The following STPG2 variants were observed in gnomAD, a reference collection of about 807,000 sequenced individuals.
STPG2 encodes the protein sperm-tail PG-rich repeat-containing protein 2.
In STPG2, 56 loss-of-function variants were observed where a neutral mutation model predicts 54.2. The ratio of observed to expected loss-of-function variants is 1.03; its 90% confidence interval spans 0.83 to 1.29. STPG2 has a LOEUF of 1.29. Ranked by LOEUF, STPG2 falls within the 50% of genes most tolerant of loss-of-function variation. The pLI is 0.00. For synonymous variants in STPG2, 200 were observed against 181.8 expected (o/e 1.10, Z -0.81); for missense variants, 596 against 544.9 (o/e 1.09, Z -0.93).
chr4:97,904,125 G>C (rs1010933717), intron 8 of STPG2, among the ~76,000 whole-genome samples: 2 of 152,236 alleles, frequency 1.3e-5, no homozygotes, highest in Non-Finnish European at 2.9e-5. Flanking sequence ...GCCTGCCTCT[G>C]TAGGCTCCAC....
At chr4:97,717,338 G>A (rs1724320240) in intron 9 of STPG2, among the ~76,000 whole-genome samples, 1 of 152,156 alleles carries the variant, frequency 6.6e-6, no homozygotes, top group Non-Finnish European at 1.5e-5. Flanking sequence ...TTATTACAGA[G>A]TATCTGGAAG....
intron 10 of STPG2, among the ~76,000 whole-genome samples, chr4:97,604,291 A>C (rs1465240574): frequency 6.6e-6 from 1 of 151,720 alleles, no homozygotes. Context: ...GTATATCCAC[A>C]TTGAATTGAA....
At chr4:98,127,007 T>A (rs7674095) in intron 3 of STPG2, among the ~76,000 whole-genome samples, 59,734 of 151,414 alleles carry the variant, frequency 0.39, 11,987 homozygotes, top group Middle Eastern at 0.46. Flanking sequence ...CATACGGTTA[T>A]ATCTGGAAAA....
At chr4:97,938,147 C>T (rs1015819624) in intron 8 of STPG2, among the ~76,000 whole-genome samples, 1 of 152,144 alleles carries the variant, frequency 6.6e-6, no homozygotes, top group Non-Finnish European at 1.5e-5. Context: ...AGGATCTGGC[C>T]TACGAAGGCA....
At chr4:97,614,535 C>A (rs1221023866) in intron 10 of STPG2, among the ~76,000 whole-genome samples, 1 of 152,090 alleles carries the variant, frequency 6.6e-6, no homozygotes, top group African/African-American at 2.4e-5. Flanking sequence ...TTTGGCCCTG[C>A]AGAAAGTCAA....
chr4:97,967,959 C>G (rs1088120), intron 7 of STPG2, among the ~76,000 whole-genome samples: 63,344 of 151,724 alleles, frequency 0.42, 13,784 homozygotes, highest in Admixed American at 0.53. Flanking sequence ...ACTAGAGAAG[C>G]AAGAGCAAAC....
intron 10 of STPG2, among the ~76,000 whole-genome samples, chr4:97,662,492 C>A (rs1911789): frequency 0.032 from 4,921 of 152,166 alleles, 184 homozygotes; most frequent in African/African-American, 0.091. Context: ...ACCATTCAAC[C>A]CAGCAATCTG....
At chr4:97,855,889 G>A (rs939307057) in intron 8 of STPG2, among the ~76,000 whole-genome samples, 11 of 152,092 alleles carry the variant, frequency 7.2e-5, no homozygotes, top group Non-Finnish European at 1.6e-4. Flanking sequence ...CATATGGCTA[G>A]CCAGTTCTTT....
intron 10 of STPG2, among the ~76,000 whole-genome samples, chr4:97,654,974 G>T (rs1408268558): frequency 1.3e-5 from 2 of 151,934 alleles, no homozygotes; most frequent in Non-Finnish European, 2.9e-5. Flanking sequence ...CTCAATTTTG[G>T]CTAAAAAATA....
intron 9 of STPG2, among the ~76,000 whole-genome samples, chr4:97,806,793 T>A (rs573584493): frequency 1.3e-5 from 2 of 152,310 alleles, no homozygotes; most frequent in African/African-American, 4.8e-5. Flanking sequence ...TTCTTTATGC[T>A]CTTCTTAAGA....
intron 9 of STPG2, among the ~76,000 whole-genome samples, chr4:97,723,393 C>A (rs182862887): frequency 6.6e-6 from 1 of 151,954 alleles, no homozygotes; most frequent in African/African-American, 2.4e-5. Flanking sequence ...ATTGGGATGA[C>A]GGATTCAATG....
In STPG2 at chr4:98,055,565, C is replaced by T. The variant is rs74463297; in HGVS notation, c.612+50388G>A. On this transcript the variant is annotated intron_variant, in intron 5 of 10. Coordinates refer to ENST00000295268, the MANE Select transcript of STPG2 (RefSeq NM_174952.3). ...TTTGAAACCATGGCAGGAAGGGACC[C>T]TTCAACTACTATGGACACTTGAGGT... is the stretch of plus-strand genomic sequence containing the variant. Among the ~76,000 whole-genome samples the T allele has an allele frequency of 1.7e-3, 252 of 152,270 alleles. 5 individuals carry two copies. The East Asian group carries it at 0.043, about 26-fold the overall frequency.
intron 4 of STPG2, among the ~76,000 whole-genome samples, chr4:97,546,477 C>T (rs1339088120): frequency 6.6e-6 from 1 of 151,794 alleles, no homozygotes; most frequent in Non-Finnish European, 1.5e-5. Flanking sequence ...AAAATAATGA[C>T]CTATAGTGAT....
At chr4:97,972,045 T>C (rs1172990146) in intron 7 of STPG2, among the ~76,000 whole-genome samples, 1 of 152,170 alleles carries the variant, frequency 6.6e-6, no homozygotes, top group Non-Finnish European at 1.5e-5. Context: ...CCCCAGAGCA[T>C]ATTTTTTCAA....
At chr4:98,014,784 A>T (rs804051) in intron 5 of STPG2, among the ~76,000 whole-genome samples, 66,552 of 151,876 alleles carry the variant, frequency 0.44, 15,146 homozygotes, top group Admixed American at 0.56. Flanking sequence ...GTTTCTTGTA[A>T]GTCAGGTATA....
intron 10 of STPG2, among the ~76,000 whole-genome samples, chr4:97,643,178 T>C (rs887536456): frequency 2.0e-5 from 3 of 151,652 alleles, no homozygotes; most frequent in African/African-American, 7.2e-5. Flanking sequence ...GCTTTTAATC[T>C]AGTAGAAATT....
intron 4 of STPG2, among the ~76,000 whole-genome samples, chr4:97,464,894 A>C (rs2148810968): frequency 6.6e-6 from 1 of 152,312 alleles, no homozygotes; most frequent in East Asian, 1.9e-4. Context: ...CCTTAAAAAA[A>C]GTCATGATTT....
chr4:97,446,083 T>C (rs561103926), intron 4 of STPG2, among the ~76,000 whole-genome samples: 3 of 152,296 alleles, frequency 2.0e-5, no homozygotes, highest in Non-Finnish European at 2.9e-5. Flanking sequence ...AACTGCTTGA[T>C]AATGCAATTT....
chr4:97,621,568 A>G (rs1025204557), intron 10 of STPG2, among the ~76,000 whole-genome samples: 2 of 152,176 alleles, frequency 1.3e-5, no homozygotes, highest in African/African-American at 4.8e-5. Flanking sequence ...ACCTACCAAG[A>G]CTAAACAAAA....
Sources: gnomAD v4.1 joint callset for allele counts (sites outside exome capture counted in the v4.1 genomes callset) on GRCh38, gnomAD v4.1.1 for gene constraint, MANE v1.5 for transcripts, NCBI Gene and HGNC (gene_info 2026-07-23, HGNC 2026-07-21) for gene names.